The following SENP5 variants were observed in gnomAD, a reference collection of about 807,000 sequenced individuals.
SENP5 encodes SUMO specific peptidase 5, also known as sentrin-specific protease 5.
In SENP5, 21 loss-of-function variants were observed where a neutral mutation model predicts 74.2. That is an observed-to-expected ratio of 0.28 (90% CI 0.20 to 0.41). The LOEUF (loss-of-function observed/expected upper bound fraction) is 0.41. Ranked by LOEUF, SENP5 falls within the 10% of genes least tolerant of loss-of-function variation. The pLI is 1.00. For missense variants in SENP5, 717 were observed against 889.1 expected, an observed-to-expected ratio of 0.81 and a Z score of 2.46; for synonymous variants, 311 against 312.7, an observed-to-expected ratio of 0.99 and a Z score of 0.06.
At chr3:196,880,423 AAT>A (rs1016797240) in intron 1 of SENP5, among the ~76,000 whole-genome samples, 1 of 152,180 alleles carries the variant, frequency 6.6e-6, no homozygotes, top group Non-Finnish European at 1.5e-5. Flanking sequence ...AAGGCCAGGC[AAT>A]TAACGTTGAG....
At chr3:196,888,415 T>C (rs1031433739) in intron 2 of SENP5, among the ~76,000 whole-genome samples, 3 of 151,820 alleles carry the variant, frequency 2.0e-5, no homozygotes, top group Non-Finnish European at 4.4e-5. Flanking sequence ...AAACCCCATC[T>C]CTACTAAAAA....
At chr3:196,923,887 A>G (rs1012053125) in intron 7 of SENP5, among the ~76,000 whole-genome samples, 4 of 152,232 alleles carry the variant, frequency 2.6e-5, no homozygotes, top group African/African-American at 4.8e-5. Flanking sequence ...AGAATAAACT[A>G]TAACCTAATG....
intron 2 of SENP5, among the ~76,000 whole-genome samples, chr3:196,898,028 A>C (rs947398242): frequency 4.6e-5 from 7 of 151,616 alleles, no homozygotes; most frequent in Non-Finnish European, 8.8e-5. Flanking sequence ...AAATACAAAA[A>C]TTAGCTGGGC....
intron 2 of SENP5, among the ~76,000 whole-genome samples, chr3:196,898,247 G>T (rs951730572): frequency 6.6e-5 from 10 of 151,350 alleles, no homozygotes; most frequent in East Asian, 5.8e-4. Context: ...AGGTTCAGTG[G>T]ATCATTCAGG....
At chr3:196,926,382 T>G (rs1385399053) in intron 7 of SENP5, among the ~76,000 whole-genome samples, 5 of 149,938 alleles carry the variant, frequency 3.3e-5, no homozygotes, top group Non-Finnish European at 7.4e-5. Flanking sequence ...CTCGGGAGGC[T>G]GAGGCAGGAG....
intron 5 of SENP5, among the ~76,000 whole-genome samples, chr3:196,900,924 A>G (rs1210576819): frequency 6.6e-6 from 1 of 151,750 alleles, no homozygotes; most frequent in African/African-American, 2.4e-5. Context: ...ATCACTGTGC[A>G]ATTGTTTTCC....
intron 5 of SENP5, 151 bp downstream of exon 5, chr3:196,900,563 G>A (rs1714655392): frequency 1.8e-6 from 1 of 565,664 alleles, no homozygotes; most frequent in African/African-American, 1.9e-5. Context: ...TACTGGGCTT[G>A]ATCGTAAGTT....
chr3:196,906,831 T>G (rs1285823119), intron 6 of SENP5, among the ~76,000 whole-genome samples: 1 of 152,202 alleles, frequency 6.6e-6, no homozygotes, highest in African/African-American at 2.4e-5. Context: ...TTGTAGTCTT[T>G]GTTCTAACAG....
At chr3:196,929,255 C>T (rs968180607) in intron 8 of SENP5, 24 of 210,352 alleles carry the variant, frequency 1.1e-4, no homozygotes, top group African/African-American at 4.1e-4. Context: ...GACTGCTCAG[C>T]GGAGTTGTCG....
At chr3:196,906,771 C>T (rs748903255) in intron 6 of SENP5, among the ~76,000 whole-genome samples, 14 of 152,224 alleles carry the variant, frequency 9.2e-5, no homozygotes, top group South Asian at 4.1e-4. Context: ...TGGATTTTAT[C>T]CTAAATGTAA....
At chr3:196,925,038 CACATATAT>C (rs1435219356) in intron 7 of SENP5, among the ~76,000 whole-genome samples, 1 of 152,022 alleles carries the variant, frequency 6.6e-6, no homozygotes, top group African/African-American at 2.4e-5. Context: ...TATGTGTAGA[CACATATAT>C]ACATACATAT....
At chr3:196,890,615 G>GA (rs1337021954) in intron 2 of SENP5, among the ~76,000 whole-genome samples, 1 of 152,202 alleles carries the variant, frequency 6.6e-6, no homozygotes, top group African/African-American at 2.4e-5. Context: ...GGGCGTGCGT[G>GA]AAAGTCTAGG....
intron 6 of SENP5, among the ~76,000 whole-genome samples, chr3:196,916,016 C>A (rs1043959985): frequency 2.6e-5 from 4 of 152,122 alleles, no homozygotes; most frequent in African/African-American, 9.7e-5. Context: ...TCGATGAACA[C>A]CTGCAGGCAT....
chr3:196,912,874 T>A (rs1209536249), intron 6 of SENP5: 2 of 151,974 alleles, frequency 1.3e-5, no homozygotes, highest in Non-Finnish European at 2.9e-5. Flanking sequence ...CCTCTAAAAA[T>A]AATAATTTGT....
intron 6 of SENP5, chr3:196,905,060 C>T (rs1334323856): frequency 1.3e-5 from 2 of 152,044 alleles, no homozygotes; most frequent in Admixed American, 6.6e-5. Flanking sequence ...CCACCGTACC[C>T]GGCTAATTCT....
chr3:196,897,219 A>G (rs761690126), intron 2 of SENP5, among the ~76,000 whole-genome samples: 4 of 152,222 alleles, frequency 2.6e-5, no homozygotes, highest in Non-Finnish European at 4.4e-5. Flanking sequence ...AATAATTCTC[A>G]ATGCAGTTTC....
chr3:196,885,024 T>C lies in SENP5; in HGVS notation c.-31-127T>C. ...ACCTTGGTCAGATAAGATTTCATTG[T>C]GTCCAATAGTCTAAATTGAAGTATA... On this transcript the variant is annotated intron_variant, in intron 1 of 9. Transcript: ENST00000323460. 4 of 587,546 alleles carry C rather than the reference T, an allele frequency of 6.8e-6. No homozygotes were observed. In the South Asian group the frequency reaches 9.6e-5, roughly 14 times the overall value. The allele number at this position is 587,546 out of a possible 1,614,324, so 36.4% of individuals were successfully genotyped here. A position where few individuals can be genotyped will look rare whatever the true frequency, so the allele number is the denominator to read the frequency against.
intron 2 of SENP5, among the ~76,000 whole-genome samples, chr3:196,896,410 G>A (rs920556804): frequency 3.9e-5 from 6 of 152,160 alleles, no homozygotes; most frequent in African/African-American, 1.4e-4. Context: ...CCTTGGGGAG[G>A]TAACAACCTC....
chr3:196,914,520 C>T (rs1258569119), intron 6 of SENP5: 3 of 134,460 alleles, frequency 2.2e-5, no homozygotes, highest in East Asian at 2.1e-4. Context: ...CCAGCTACTC[C>T]GGAGGCTGAG....
Sources: allele counts gnomAD v4.1 joint callset (sites outside exome capture counted in the v4.1 genomes callset), GRCh38; gene constraint gnomAD v4.1.1; transcripts MANE v1.5; gene names NCBI Gene and HGNC (gene_info 2026-07-23, HGNC 2026-07-21).